HEATR3: variants seen among roughly 807,000 people sequenced by gnomAD.
The protein encoded by HEATR3 is HEAT repeat containing 3.
A neutral mutation model predicts 72.8 loss-of-function variants in HEATR3; 56 were observed. The observed-to-expected ratio is 0.77, with a 90% CI of 0.62 to 0.96. The LOEUF (loss-of-function observed/expected upper bound fraction) is 0.96, where lower values mean the gene tolerates loss of function less well. Ranked by LOEUF, HEATR3 falls within the 40% of genes least tolerant of loss-of-function variation. The pLI is 0.00. For synonymous variants in HEATR3, 331 were observed against 318.1 expected (o/e 1.04, Z -0.43); for missense variants, 747 against 831.4 (o/e 0.90, Z 1.25).
At chr16:50,102,196 C>A in intron 13 of HEATR3, 63 bp from the exon 14 acceptor site, 1 of 1,407,712 alleles carries the variant, frequency 7.1e-7, no homozygotes, top group Non-Finnish European at 9.8e-7. Flanking sequence ...TTGCCACATT[C>A]AAAGTTGGTA....
At position 50,078,814 on chromosome 16, in the gene HEATR3, C is replaced by A. The variant is rs776989176; in HGVS notation, c.837C>A (p.Ile279=). The A allele has an allele frequency of 1.9e-6, 3 of 1,613,898 alleles. No individual in the cohort carries two copies. The East Asian group carries it at 6.7e-5, about 36-fold the overall frequency. Residue 279 remains isoleucine (I), a synonymous_variant, in exon 7 of 15, where the codon ATC becomes ATA. Transcript: ENST00000299192. ...AAATCATAAATGCCTTACTAAAGAT[C>A]TTATCTGAAGTTTTGGGAATGGATG... ...QAEIINALLK[I]LSEVLGMDAG... is the part of the protein sequence containing the mutation.
chr16:50,066,316 C>T, intron 1 of HEATR3, 47 bp downstream of exon 1: 2 of 1,564,728 alleles, frequency 1.3e-6, no homozygotes, highest in Admixed American at 1.8e-5. Context: ...GAGGTTGCCC[C>T]GCGCGCGTGC....
At chr16:50,091,081 T>G (rs1485813803) in intron 11 of HEATR3, among the ~76,000 whole-genome samples, 1 of 151,916 alleles carries the variant, frequency 6.6e-6, no homozygotes, top group African/African-American at 2.4e-5. Flanking sequence ...GCGGTGAAGA[T>G]TGCAGTGAGC....
chr16:50,083,141 G>GA (rs77921917), intron 7 of HEATR3, among the ~76,000 whole-genome samples: 18 of 150,036 alleles, frequency 1.2e-4, no homozygotes, highest in East Asian at 5.8e-4. Context: ...CTCTAAGGGG[G>GA]AAAAAAAAAG....
chr16:50,082,757 CAAA>C (rs60241022), intron 7 of HEATR3, among the ~76,000 whole-genome samples: 21 of 72,998 alleles, frequency 2.9e-4, no homozygotes, highest in Admixed American at 6.5e-4. Context: ...CCCCATCTCT[CAAA>C]AAAAAAAAAA....
chr16:50,070,074 A>G (rs2150595451), intron 3 of HEATR3, 104 bp from the exon 4 acceptor site: 4 of 525,134 alleles, frequency 7.6e-6, no homozygotes, highest in Middle Eastern at 5.8e-4. Flanking sequence ...CTTGTTAACC[A>G]CGGTAATTTC....
At chr16:50,104,691 A>G (rs1567452189) in intron 14 of HEATR3, among the ~76,000 whole-genome samples, 1 of 152,214 alleles carries the variant, frequency 6.6e-6, no homozygotes, top group Non-Finnish European at 1.5e-5. Context: ...ATTCCTTTCT[A>G]TAGTTTATAT....
intron 2 of HEATR3, among the ~76,000 whole-genome samples, chr16:50,067,875 G>A (rs1235342357): frequency 6.6e-6 from 1 of 152,206 alleles, no homozygotes; most frequent in Admixed American, 6.5e-5. Flanking sequence ...AAATCTTAAA[G>A]TGTATTGAGG....
At chr16:50,083,818 C>A in intron 7 of HEATR3, 119 bp from the exon 8 acceptor site, 1 of 754,430 alleles carries the variant, frequency 1.3e-6, no homozygotes, top group Non-Finnish European at 2.1e-6. Flanking sequence ...CTACCCCATT[C>A]CCCGTGTGCT....
chr16:50,078,771 C>T lies in HEATR3; in HGVS notation c.794C>T (p.Pro265Leu), dbSNP rs778740619. 3.1e-6 allele frequency: 5 copies of T among 1,613,506 alleles called. No individual in the cohort carries two copies. The South Asian group carries it at 5.5e-5, about 18-fold the overall frequency. Residue 265 changes from proline to leucine, a missense_variant, in exon 7 of 15, where the codon CCA (proline) becomes CTA (leucine). Coordinates refer to ENST00000299192, the MANE Select transcript of HEATR3 (RefSeq NM_182922.4). ...ATTTGGAATCTAAAGGACATTATTC[C>T]ATGCAAGAGTCAAGCAGAAATCATA... ...GTIWNLKDIIPCKSQAEIINA... is the reference protein window; with the variant it reads ...GTIWNLKDIILCKSQAEIINA...
At chr16:50,073,081 T>G (rs2036648627) in intron 5 of HEATR3, 2 of 208,952 alleles carry the variant, frequency 9.6e-6, no homozygotes, top group South Asian at 1.5e-4. Flanking sequence ...CTAAACTTAT[T>G]TAAATGTATT....
At position 50,066,304 on chromosome 16, in the gene HEATR3, A is replaced by C. The variant is rs1376536688; in HGVS notation, c.138+35A>C. ...GGGCTCCGTCGGGCCGGGAGGCGAGACGAGGTTGCCCCGCGCGCGTGCGCA... is the reference window on the plus strand; with the variant it reads ...GGGCTCCGTCGGGCCGGGAGGCGAGCCGAGGTTGCCCCGCGCGCGTGCGCA... On this transcript the variant is annotated intron_variant, in intron 1 of 14. Transcript: ENST00000299192. The C allele has an allele frequency of 1.9e-6, 3 of 1,575,106 alleles. No individual in the cohort carries two copies. The Admixed American group carries it at 5.3e-5, about 28-fold the overall frequency.
At chr16:50,090,597 A>G (rs757353872) in intron 11 of HEATR3, among the ~76,000 whole-genome samples, 3 of 152,206 alleles carry the variant, frequency 2.0e-5, no homozygotes, top group Non-Finnish European at 4.4e-5. Context: ...TGGTCCTTAC[A>G]TTCAAAAGCA....
intron 6 of HEATR3, among the ~76,000 whole-genome samples, chr16:50,076,704 AT>A (rs764144769): frequency 0.021 from 2,839 of 137,954 alleles, 38 homozygotes; most frequent in Admixed American, 0.038. Context: ...GGACCAGTTA[AT>A]TTTTTTTTTT....
At chr16:50,079,903 A>G (rs1388594487) in intron 7 of HEATR3, 1 of 152,272 alleles carries the variant, frequency 6.6e-6, no homozygotes, top group African/African-American at 2.4e-5. Context: ...TTTCTAAGAA[A>G]ATAGTATCTG....
In HEATR3 at chr16:50,100,372, A is replaced by T; in HGVS notation, c.1742A>T (p.Lys581Met). 6.2e-7 allele frequency: 1 copy of T among 1,613,742 alleles called. No homozygotes were observed. The highest frequency in any genetic ancestry group is 8.5e-7 in the Non-Finnish European group (1 of 1,179,806). ...AKEDGTLETL[K>M]NIGCFLLEVT... ...GAAGATGGTACACTTGAAACTCTTA[A>T]GGTAAAACAATTTGCTTCTGACCTA... The change falls in exon 13 of 15, where the codon AAG becomes ATG. Residue 581 changes from lysine to methionine, a missense_variant and splice_region_variant. Coordinates refer to ENST00000299192, the MANE Select transcript of HEATR3 (RefSeq NM_182922.4).
intron 6 of HEATR3, among the ~76,000 whole-genome samples, chr16:50,077,058 T>A (rs1232717456): frequency 6.6e-6 from 1 of 151,838 alleles, no homozygotes; most frequent in South Asian, 2.1e-4. Context: ...TTTTTTTTAG[T>A]AAAGACGGGG....
chr16:50,066,681 G>A, intron 2 of HEATR3, 142 bp downstream of exon 2: 1 of 775,360 alleles, frequency 1.3e-6, no homozygotes, highest in Non-Finnish European at 1.8e-6. Context: ...TTTGAAGCCA[G>A]TCTCCAGGCT....
intron 12 of HEATR3, chr16:50,098,153 T>G (rs1366600152): frequency 6.6e-6 from 1 of 152,152 alleles, no homozygotes; most frequent in Non-Finnish European, 1.5e-5. Context: ...TTTACTTAAT[T>G]TTCGATTTTG....
Sources: allele counts gnomAD v4.1 joint callset (sites outside exome capture counted in the v4.1 genomes callset), GRCh38; gene constraint gnomAD v4.1.1; transcripts MANE v1.5; gene names NCBI Gene and HGNC (gene_info 2026-07-23, HGNC 2026-07-21).